The following SMARCC2 variants were observed in gnomAD, a reference collection of about 807,000 sequenced individuals.
SMARCC2 encodes SWI/SNF complex subunit SMARCC2.
A neutral mutation model predicts 151.3 loss-of-function variants in SMARCC2; 15 were observed. The observed-to-expected ratio is 0.10, with a 90% CI of 0.07 to 0.15. SMARCC2 has a LOEUF of 0.15. Among genes scored for constraint, SMARCC2 ranks in the 10% least tolerant of loss-of-function variants. SMARCC2 has a pLI of 1.00. For missense variants in SMARCC2, 1,031 were observed against 1,599.7 expected (o/e 0.64, Z 6.06); for synonymous variants, 590 against 609.5 (o/e 0.97, Z 0.47).
Position 56,178,107 on chromosome 12 carries a change from C to A in SMARCC2, c.1311-14G>T. On this transcript the variant is annotated splice_polypyrimidine_tract_variant and intron_variant, in intron 14 of 28. Transcript: ENST00000550164. ...ATGGCATGAACACTGCAAGAAAAGC[C>A]AGAATGGTTTCAGAAGAAGGCATTG... 6.2e-7 allele frequency: 1 copy of A among 1,607,782 alleles called. No individual in the cohort carries two copies. Among genetic ancestry groups the A allele is most frequent in the South Asian group, 1.1e-5 (1 of 90,330 alleles).
At chr12:56,177,717 C>T (rs931321151) in intron 15 of SMARCC2, among the ~76,000 whole-genome samples, 5 of 152,048 alleles carry the variant, frequency 3.3e-5, no homozygotes, top group Admixed American at 1.3e-4. Context: ...GCAGTATAGA[C>T]GATATCAGTA....
Position 56,178,511 on chromosome 12 carries a change from C to A in SMARCC2, c.1203G>T (p.Gly401=). The A allele has an allele frequency of 1.2e-6, 2 of 1,614,200 alleles. No individual in the cohort carries two copies. Among genetic ancestry groups the A allele is most frequent in the Non-Finnish European group, 1.7e-6 (2 of 1,180,026 alleles). The change falls in exon 14 of 29, where the codon GGG becomes GGT. Residue 401 remains glycine (G), a synonymous_variant. Coordinates refer to ENST00000550164, the MANE Select transcript of SMARCC2 (RefSeq NM_001330288.2). The part of the protein sequence containing the change: ...TGKDEDENST[G]NKGEQTKNPD... ...GATTCTTGGTCTGCTCTCCCTTGTT[C>A]CCCGTACTGTTCTCATCCTCATCCT...
intron 18 of SMARCC2, 67 bp from the exon 19 acceptor site, chr12:56,172,771 A>G (rs1452084454): frequency 1.6e-5 from 26 of 1,604,728 alleles, no homozygotes; most frequent in Non-Finnish European, 2.2e-5. Flanking sequence ...TGACAGAGAG[A>G]AAAAACAGAC....
intron 13 of SMARCC2, 72 bp from the exon 14 acceptor site, chr12:56,178,606 C>G: frequency 6.2e-7 from 1 of 1,600,416 alleles, no homozygotes; most frequent in South Asian, 1.1e-5. Flanking sequence ...TTCTCCCACA[C>G]CCCAGGAATG....
chr12:56,173,749 C>T lies in SMARCC2; in HGVS notation c.1597G>A (p.Val533Ile). 6.2e-7 allele frequency: 1 copy of T among 1,614,066 alleles called. No homozygotes were observed. The highest frequency in any genetic ancestry group is 8.5e-7 in the Non-Finnish European group (1 of 1,179,972). Residue 533 changes from valine to isoleucine, a missense_variant, in exon 17 of 29, where the codon GTC becomes ATC. Val to Ile is a conservative substitution (Grantham distance 29). Coordinates refer to ENST00000550164, the MANE Select transcript of SMARCC2 (RefSeq NM_001330288.2). ...MGPPPTSHFH[V>I]LADTPSGLVP... is the part of the protein sequence containing the mutation. ...AGCCCTGATGGTGTGTCAGCCAAGA[C>T]ATGGAAGTGAGAGGTAGGCGGAGGC...
At chr12:56,166,256 C>G (rs1872748480) in intron 26 of SMARCC2, among the ~76,000 whole-genome samples, 1 of 152,138 alleles carries the variant, frequency 6.6e-6, no homozygotes, top group African/African-American at 2.4e-5. Flanking sequence ...ATTCTCCTGC[C>G]TCAGCCTCCC....
At chr12:56,183,781 G>A (rs1876709856) in intron 7 of SMARCC2, 80 bp downstream of exon 7, 1 of 855,210 alleles carries the variant, frequency 1.2e-6, no homozygotes, top group South Asian at 1.5e-5. Flanking sequence ...CTGAAAGAGT[G>A]GCCTCTTGCT....
chr12:56,176,048 G>A (rs1231132903), intron 15 of SMARCC2, among the ~76,000 whole-genome samples: 2 of 151,992 alleles, frequency 1.3e-5, no homozygotes, highest in Non-Finnish European at 2.9e-5. Context: ...TAGTAGAGAC[G>A]GGGTTTCACC....
chr12:56,170,131 A>G lies in SMARCC2; in HGVS notation c.2412+13T>C. 6.2e-7 allele frequency: 1 copy of G among 1,610,578 alleles called. No individual in the cohort carries two copies. Among genetic ancestry groups the G allele is most frequent in the Non-Finnish European group, 8.5e-7 (1 of 1,177,046 alleles). ...GCACGCAGCCCCTGCAGCTTCCAGAAATCCCTCTATACCTTGGGCTCCTTC... is the reference window on the plus strand; with the variant it reads ...GCACGCAGCCCCTGCAGCTTCCAGAGATCCCTCTATACCTTGGGCTCCTTC... On this transcript the variant is annotated intron_variant, in intron 23 of 28. Transcript: ENST00000550164.
In SMARCC2 at chr12:56,172,563, A is replaced by G. The variant is rs758342750; in HGVS notation, c.1863+22T>C. ...TGAGGAGCGAACATTCTCTACCCCT[A>G]GAGTCGGCCCGCACCTCCTACCTTG... On this transcript the variant is annotated intron_variant, in intron 19 of 28. Coordinates refer to ENST00000550164, the MANE Select transcript of SMARCC2 (RefSeq NM_001330288.2). 25 of 1,614,028 alleles carry G rather than the reference A, an allele frequency of 1.5e-5. No individual in the cohort carries two copies. The East Asian group carries it at 4.9e-4, about 32-fold the overall frequency.
intron 7 of SMARCC2, among the ~76,000 whole-genome samples, chr12:56,182,643 G>A (rs1312626574): frequency 6.6e-6 from 1 of 150,900 alleles, no homozygotes; most frequent in Non-Finnish European, 1.5e-5. Flanking sequence ...TTTTTGTTAA[G>A]ACAGGGTCTC....
rs772226830 is a variant in SMARCC2, at chr12:56,170,127, C to G, written c.2412+17G>C. On this transcript the variant is annotated intron_variant, in intron 23 of 28. Coordinates refer to ENST00000550164, the MANE Select transcript of SMARCC2 (RefSeq NM_001330288.2). ...TGCTGCACGCAGCCCCTGCAGCTTC[C>G]AGAAATCCCTCTATACCTTGGGCTC... The G allele has an allele frequency of 6.2e-7, 1 of 1,610,190 alleles. No individual in the cohort carries two copies. Among genetic ancestry groups the G allele is most frequent in the South Asian group, 1.1e-5 (1 of 90,988 alleles).
At chr12:56,177,951 G>T in intron 15 of SMARCC2, 71 bp downstream of exon 15, 1 of 1,057,800 alleles carries the variant, frequency 9.5e-7, no homozygotes, top group South Asian at 1.4e-5. Context: ...TAAACTGAAT[G>T]TTACTGGATC....
Position 56,184,862 on chromosome 12 carries a change from G to A in SMARCC2, c.474C>T (p.Asp158=). ...CATTTACCTGGTGTCTCTTGATAATGTCCTTTAATTTCCCTAGTAGTTTGG... is the reference window on the plus strand; with the variant it reads ...CATTTACCTGGTGTCTCTTGATAATATCCTTTAATTTCCCTAGTAGTTTGG... ...IEPKLLGKLK[D]IIKRHQGTVT... is the part of the protein sequence containing the mutation. Residue 158 remains aspartate, a synonymous_variant, in exon 5 of 29, where the codon GAC becomes GAT. Transcript: ENST00000550164. 1 of 1,607,334 alleles carries A rather than the reference G, an allele frequency of 6.2e-7. No individual in the cohort carries two copies. The highest frequency in any genetic ancestry group is 1.7e-4 in the Middle Eastern group (1 of 6,056).
chr12:56,172,753 C>G (rs1874196373), intron 18 of SMARCC2, 49 bp from the exon 19 acceptor site: 1 of 1,609,850 alleles, frequency 6.2e-7, no homozygotes, highest in African/African-American at 1.3e-5. Flanking sequence ...CCACCGGGAG[C>G]CAGGGGCTGA....
intron 11 of SMARCC2, 34 bp downstream of exon 11, chr12:56,180,943 G>C (rs1267583060): frequency 6.3e-7 from 1 of 1,589,446 alleles, no homozygotes. Context: ...ACGGGGAGTG[G>C]GGGTGGATCC....
At position 56,171,624 on chromosome 12, in the gene SMARCC2, C is replaced by G. The variant is rs1482156929; in HGVS notation, c.2185+55G>C. ...TTGAGAGGATTCACAGTCTGAGTAA[C>G]TAGCCCTTCAAAAGCAAACTAAGAA... is the stretch of plus-strand genomic sequence containing the variant. On this transcript the variant is annotated intron_variant, in intron 21 of 28. Transcript: ENST00000550164. The surrounding 1 kb of genome is among the most constrained non-coding windows in gnomAD (Gnocchi z 4.2). The G allele has an allele frequency of 7.9e-6, 12 of 1,521,566 alleles. No homozygotes were observed. Among genetic ancestry groups the G allele is most frequent in the Non-Finnish European group, 1.1e-5 (12 of 1,135,794 alleles). 94.3% of individuals were successfully genotyped at this position (1,521,566 alleles called of 1,614,324 possible). A position where few individuals can be genotyped will look rare whatever the true frequency, so the allele number is the denominator to read the frequency against.
At chr12:56,170,284 T>C in intron 22 of SMARCC2, 76 bp from the exon 23 acceptor site, 1 of 1,284,182 alleles carries the variant, frequency 7.8e-7, no homozygotes, top group Non-Finnish European at 1.1e-6. Flanking sequence ...TTTCTTTTTT[T>C]TTAGAGACAG....
chr12:56,176,799 C>T (rs1423541390), intron 15 of SMARCC2, among the ~76,000 whole-genome samples: 1 of 152,032 alleles, frequency 6.6e-6, no homozygotes, highest in African/African-American at 2.4e-5. Context: ...TGCCACCACG[C>T]CCGGCTAATT....
Sources: allele counts gnomAD v4.1 joint callset (sites outside exome capture counted in the v4.1 genomes callset), GRCh38; gene constraint gnomAD v4.1.1; non-coding constraint Gnocchi (gnomAD v3.1); transcripts MANE v1.5; gene names NCBI Gene and HGNC (gene_info 2026-07-23, HGNC 2026-07-21).